ANKS1B: variants seen among roughly 807,000 people sequenced by gnomAD.
ANKS1B encodes the protein ankyrin repeat and sterile alpha motif domain-containing protein 1B.
A neutral mutation model predicts 148.3 loss-of-function variants in ANKS1B; 36 were observed. The ratio of observed to expected loss-of-function variants is 0.24; its 90% CI spans 0.19 to 0.32. The LOEUF (loss-of-function observed/expected upper bound fraction) is 0.32, where lower values mean the gene tolerates loss of function less well. Ranked by LOEUF, ANKS1B falls within the 10% of genes least tolerant of loss-of-function variation. ANKS1B has a pLI of 1.00. For synonymous variants in ANKS1B, 542 were observed against 560.8 expected, an observed-to-expected ratio of 0.97 and a Z score of 0.47; for missense variants, 1,157 against 1,542.6, an observed-to-expected ratio of 0.75 and a Z score of 4.19.
intron 17 of ANKS1B, among the ~76,000 whole-genome samples, chr12:98,958,105 T>G (rs1246527754): frequency 6.6e-6 from 1 of 152,224 alleles, no homozygotes; most frequent in African/African-American, 2.4e-5. Context: ...GAGAAATCCT[T>G]GTTACAGTCA....
rs142291822 is a variant in ANKS1B, at chr12:99,873,936, C to T, written c.135-48547G>A. On this transcript the variant is annotated intron_variant, in intron 1 of 26. Coordinates refer to ENST00000683438, the MANE Select transcript of ANKS1B (RefSeq NM_001352186.2). Reference sequence around the variant, plus strand: ...CCTGAGTCTCCTGCATGCTGGTATGCTCTGCAGATTTTGGACTTGCCAAAT... The same window carrying T: ...CCTGAGTCTCCTGCATGCTGGTATGTTCTGCAGATTTTGGACTTGCCAAAT... Among the ~76,000 whole-genome samples, 23 of 151,822 alleles carry T rather than the reference C, an allele frequency of 1.5e-4. No homozygotes were observed. In the East Asian group the frequency reaches 4.5e-3, roughly 29 times the overall value.
At chr12:98,942,635 G>A (rs2099838796) in intron 17 of ANKS1B, among the ~76,000 whole-genome samples, 1 of 152,158 alleles carries the variant, frequency 6.6e-6, no homozygotes, top group Admixed American at 6.5e-5. Context: ...GCTCTATGAG[G>A]GCAAGGGCTG....
At chr12:99,953,065 A>G (rs542446623) in intron 1 of ANKS1B, among the ~76,000 whole-genome samples, 6 of 152,210 alleles carry the variant, frequency 3.9e-5, no homozygotes, top group Non-Finnish European at 8.8e-5. Context: ...TCAGAATTAG[A>G]GATGTAAATT....
chr12:99,798,043 C>T (rs2066465734), intron 4 of ANKS1B, among the ~76,000 whole-genome samples: 1 of 151,762 alleles, frequency 6.6e-6, no homozygotes, highest in African/African-American at 2.4e-5. Context: ...TACCAGAGTG[C>T]CAAAACAGCA....
chr12:99,909,537 C>A (rs2093924552), intron 1 of ANKS1B, among the ~76,000 whole-genome samples: 1 of 152,074 alleles, frequency 6.6e-6, no homozygotes, highest in African/African-American at 2.4e-5. Flanking sequence ...ACAGTCTCAC[C>A]AACACATCTC....
intron 14 of ANKS1B, among the ~76,000 whole-genome samples, chr12:99,185,723 C>A (rs777598289): frequency 6.6e-6 from 1 of 152,198 alleles, no homozygotes; most frequent in Admixed American, 6.5e-5. Context: ...AGATACTACG[C>A]TTTTCCCATG....
chr12:99,684,615 G>A (rs1005651592), intron 8 of ANKS1B, among the ~76,000 whole-genome samples: 9 of 152,134 alleles, frequency 5.9e-5, no homozygotes, highest in African/African-American at 2.2e-4. Context: ...AGCCTGCATA[G>A]CCAGAGCAAG....
chr12:99,166,864 A>G (rs2077233139), intron 14 of ANKS1B, among the ~76,000 whole-genome samples: 1 of 152,056 alleles, frequency 6.6e-6, no homozygotes, highest in South Asian at 2.1e-4. Flanking sequence ...TTTAACACTT[A>G]TTATAAAGAC....
At chr12:99,475,223 T>C (rs2096298961) in intron 10 of ANKS1B, among the ~76,000 whole-genome samples, 2 of 148,090 alleles carry the variant, frequency 1.4e-5, no homozygotes, top group African/African-American at 5.0e-5. Context: ...CCAGCCTGGG[T>C]GACAGAGTCA....
chr12:99,172,782 T>C (rs2077935665), intron 14 of ANKS1B, among the ~76,000 whole-genome samples: 1 of 152,150 alleles, frequency 6.6e-6, no homozygotes, highest in Non-Finnish European at 1.5e-5. Context: ...AGATGATAGC[T>C]GAGAGGATTA....
chr12:98,948,776 C>CA (rs755598077), intron 17 of ANKS1B, among the ~76,000 whole-genome samples: 1 of 145,794 alleles, frequency 6.9e-6, no homozygotes. Context: ...CACCCCCCCC[C>CA]ACACACACAC....
chr12:98,816,839 T>G (rs1430276651), intron 19 of ANKS1B, among the ~76,000 whole-genome samples: 2 of 152,092 alleles, frequency 1.3e-5, no homozygotes, highest in Non-Finnish European at 1.5e-5. Flanking sequence ...AGCAAGTAGA[T>G]GACAGCTCCA....
chr12:99,762,358 G>C (rs1285912089), intron 8 of ANKS1B, among the ~76,000 whole-genome samples: 1 of 151,338 alleles, frequency 6.6e-6, no homozygotes, highest in African/African-American at 2.4e-5. Flanking sequence ...TAGAACAAAG[G>C]AACAGAATAG....
intron 1 of ANKS1B, among the ~76,000 whole-genome samples, chr12:99,942,488 A>G (rs767617546): frequency 6.6e-6 from 1 of 152,128 alleles, no homozygotes; most frequent in Non-Finnish European, 1.5e-5. Flanking sequence ...AGGAAAAGAA[A>G]ATGATGGAAC....
chr12:99,536,820 T>C (rs1316257011), intron 9 of ANKS1B, among the ~76,000 whole-genome samples: 1 of 152,150 alleles, frequency 6.6e-6, no homozygotes, highest in Non-Finnish European at 1.5e-5. Flanking sequence ...TTTATTATAG[T>C]CACCCTGTTG....
intron 22 of ANKS1B, among the ~76,000 whole-genome samples, chr12:98,788,210 G>T (rs951213331): frequency 1.3e-5 from 2 of 149,662 alleles, no homozygotes. Flanking sequence ...TTCAAGACCA[G>T]CCGGACCAAC....
intron 15 of ANKS1B, among the ~76,000 whole-genome samples, chr12:99,140,567 C>A (rs2070326071): frequency 6.6e-6 from 1 of 152,092 alleles, no homozygotes; most frequent in African/African-American, 2.4e-5. Context: ...AAGCACAGAG[C>A]TGGCCTTAAT....
chr12:99,007,200 T>G (rs1003750466), intron 17 of ANKS1B, among the ~76,000 whole-genome samples: 1 of 152,320 alleles, frequency 6.6e-6, no homozygotes, highest in East Asian at 1.9e-4. Flanking sequence ...CAGCTATTTT[T>G]AAAGGAAGAT....
chr12:99,328,743 T>C (rs1216760890), intron 12 of ANKS1B, among the ~76,000 whole-genome samples: 1 of 151,886 alleles, frequency 6.6e-6, no homozygotes, highest in Non-Finnish European at 1.5e-5. Context: ...TGAAAACAAG[T>C]AGGAAATATG....
Sources: gnomAD v4.1 joint callset for allele counts (sites outside exome capture counted in the v4.1 genomes callset) on GRCh38, gnomAD v4.1.1 for gene constraint, MANE v1.5 for transcripts, NCBI Gene and HGNC (gene_info 2026-07-23, HGNC 2026-07-21) for gene names.